TBX4: variants seen among roughly 807,000 people sequenced by gnomAD.
The protein encoded by TBX4 is T-box transcription factor TBX4.
In TBX4, 13 loss-of-function variants were observed where a neutral mutation model predicts 54.6. The ratio of observed to expected loss-of-function variants is 0.24; its 90% CI spans 0.15 to 0.38. The LOEUF (loss-of-function observed/expected upper bound fraction) is 0.38. TBX4 is among the 10% of genes least tolerant of loss of function. The pLI is 1.00. For missense variants in TBX4, 631 were observed against 728.5 expected (o/e 0.87, Z 1.54); for synonymous variants, 314 against 306.7 (o/e 1.02, Z -0.25).
chr17:61,465,619 A>C lies in TBX4; in HGVS notation c.282-200A>C, dbSNP rs1004501292. Among the ~76,000 whole-genome samples, 2 of 152,216 alleles carry C rather than the reference A, an allele frequency of 1.3e-5. No individual in the cohort carries two copies. Among genetic ancestry groups the C allele is most frequent in the African/African-American group, 4.8e-5 (2 of 41,464 alleles). ...CTGATAGCTGCAGGGGCTCAGAGAC[A>C]GCAGCCAGTGCCACCTTTTCACTGT... On this transcript the variant is annotated intron_variant, in intron 3 of 8. Transcript: ENST00000644296. The surrounding 1 kb of genome is among the most constrained non-coding windows in gnomAD (Gnocchi z 4.9).
chr17:61,471,669 A>C (rs2060578991), intron 5 of TBX4, among the ~76,000 whole-genome samples: 1 of 151,778 alleles, frequency 6.6e-6, no homozygotes, highest in African/African-American at 2.4e-5. Flanking sequence ...TATCTCTTGG[A>C]GAATAGTCTA....
chr17:61,472,504 C>A lies in TBX4; in HGVS notation c.549+4847C>A, dbSNP rs1569040306. Among the ~76,000 whole-genome samples, 2 of 152,174 alleles carry A rather than the reference C, an allele frequency of 1.3e-5. No individual in the cohort carries two copies. Among genetic ancestry groups the A allele is most frequent in the African/African-American group, 4.8e-5 (2 of 41,438 alleles). On this transcript the variant is annotated intron_variant, in intron 5 of 8. Transcript: ENST00000644296. This position sits in a 1 kb window ranked among gnomAD's most constrained non-coding sequence, Gnocchi z 4.5. ...GGTTTTTGATATCAATTTCTAGGAA[C>A]TCTTATAAATTAGGAGGATGTAGCT...
At chr17:61,468,875 A>G (rs2060555439) in intron 5 of TBX4, among the ~76,000 whole-genome samples, 1 of 152,094 alleles carries the variant, frequency 6.6e-6, no homozygotes, top group South Asian at 2.1e-4. Context: ...CTCCCTGGGC[A>G]CCATCCTGGT....
In TBX4 at chr17:61,460,964, C is replaced by T. The variant is rs749160904; in HGVS notation, c.281+3333C>T. On this transcript the variant is annotated intron_variant, in intron 3 of 8. Transcript: ENST00000644296. This position sits in a 1 kb window ranked among gnomAD's most constrained non-coding sequence, Gnocchi z 4.4. ...GTTATTCTGAGGCAAGGATTTGGCC[C>T]GGCTTAATCCGGGGCTTCAAAGCCA... is the stretch of plus-strand genomic sequence containing the variant. Among the ~76,000 whole-genome samples, 5 of 152,134 alleles carry T rather than the reference C, an allele frequency of 3.3e-5. No individual in the cohort carries two copies. Among genetic ancestry groups the T allele is most frequent in the African/African-American group, 4.8e-5 (2 of 41,418 alleles).
chr17:61,465,747 C>T lies in TBX4; in HGVS notation c.282-72C>T. On this transcript the variant is annotated intron_variant, in intron 3 of 8. Transcript: ENST00000644296. The surrounding 1 kb of genome is among the most constrained non-coding windows in gnomAD (Gnocchi z 4.9). The stretch of plus-strand genomic sequence containing the variant: ...CAGCATCTGTTAGCGGCCTTCTGCC[C>T]CCTTGCTCACTCTGTTCCATCTCTC... 2 of 1,603,948 alleles carry T rather than the reference C, an allele frequency of 1.2e-6. No individual in the cohort carries two copies. The highest frequency in any genetic ancestry group is 1.7e-6 in the Non-Finnish European group (2 of 1,173,270).
chr17:61,457,826 G>T lies in TBX4; in HGVS notation c.281+195G>T, dbSNP rs538669742. 6.6e-6 allele frequency among the ~76,000 whole-genome samples: 1 copy of T among 152,208 alleles called. No individual in the cohort carries two copies. Among genetic ancestry groups the T allele is most frequent in the Non-Finnish European group, 1.5e-5 (1 of 68,042 alleles). On this transcript the variant is annotated intron_variant, in intron 3 of 8. Coordinates refer to ENST00000644296, the MANE Select transcript of TBX4 (RefSeq NM_001321120.2). This position sits in a 1 kb window ranked among gnomAD's most constrained non-coding sequence, Gnocchi z 8.2. ...CCGCAGGGGGCCACCGCAGCCGCGC[G>T]GGCCTTGCGGGAAAGACCGAGGGGA...
chr17:61,467,840 G>C (rs918630802), intron 5 of TBX4, among the ~76,000 whole-genome samples, 183 bp downstream of exon 5: 2 of 152,178 alleles, frequency 1.3e-5, no homozygotes, highest in Non-Finnish European at 2.9e-5. Context: ...CTTCCTTCCC[G>C]GCCACTTACT....
At chr17:61,463,965 C>G (rs1025852386) in intron 3 of TBX4, among the ~76,000 whole-genome samples, 1 of 152,188 alleles carries the variant, frequency 6.6e-6, no homozygotes, top group African/African-American at 2.4e-5. Flanking sequence ...TCCAGCTGCG[C>G]CCCCAGGCCC....
At chr17:61,454,671 A>G (rs925096421) in intron 1 of TBX4, among the ~76,000 whole-genome samples, 6 of 152,222 alleles carry the variant, frequency 3.9e-5, no homozygotes, top group African/African-American at 1.4e-4. Flanking sequence ...CCCCAGTCCG[A>G]GCTGCGGGAC....
At position 61,483,724 on chromosome 17, in the gene TBX4, A is replaced by G. The variant is rs1343685541; in HGVS notation, c.*208A>G. ...ACAACTGAGGTCATGACAAGGAAAAAAAACACCACATTTATCTAAGAAGTG... is the reference window on the plus strand; with the variant it reads ...ACAACTGAGGTCATGACAAGGAAAAGAAACACCACATTTATCTAAGAAGTG... On this transcript the variant is annotated 3_prime_UTR_variant, in exon 9 of 9. Transcript: ENST00000644296. The surrounding 1 kb of genome is among the most constrained non-coding windows in gnomAD (Gnocchi z 6.6). The G allele has an allele frequency of 4.6e-6, 3 of 650,688 alleles. No homozygotes were observed. In the African/African-American group the frequency reaches 5.5e-5, roughly 12 times the overall value. The allele number at this position is 650,688 out of a possible 1,614,324, so 40.3% of individuals were successfully genotyped here. A position where few individuals can be genotyped will look rare whatever the true frequency, so the allele number is the denominator to read the frequency against.
chr17:61,466,025 T>C, intron 4 of TBX4, 87 bp downstream of exon 4: 7 of 1,590,832 alleles, frequency 4.4e-6, no homozygotes, highest in Non-Finnish European at 6.0e-6. Context: ...GGGGATTTCT[T>C]AGCTACCTGA....
rs770301040 is a variant in TBX4, at chr17:61,457,676, A to AG, written c.281+51dup. 6.1e-5 allele frequency: 96 copies of AG among 1,581,528 alleles called. No individual in the cohort carries two copies. Among genetic ancestry groups the AG allele is most frequent in the Middle Eastern group, 1.7e-4 (1 of 5,996 alleles). ...CTTCCGGGGATGGCGGTGGGGAGCA[A>AG]GGGGGGCCAGGGAGGTCCCTTAGAA... On this transcript the variant is annotated intron_variant, in intron 3 of 8. Transcript: ENST00000644296. This position sits in a 1 kb window ranked among gnomAD's most constrained non-coding sequence, Gnocchi z 8.2.
rs1247392083 is a variant in TBX4 at position 61,480,299 on chromosome 17, A to G, written c.1001A>G (p.Tyr334Cys). Reference protein sequence around the residue: ...FPTQRDSSLFYHCLKRRADGT... With the variant: ...FPTQRDSSLFCHCLKRRADGT... Reference sequence around the variant, plus strand: ...ACCCAGAGGGACTCAAGCCTCTTCTATCACTGCCTGAAAAGACGAGGTAGG... The same window carrying G: ...ACCCAGAGGGACTCAAGCCTCTTCTGTCACTGCCTGAAAAGACGAGGTAGG... Residue 334 changes from tyrosine (Y) to cysteine (C), a missense_variant, in exon 8 of 9, where the codon TAT (tyrosine) becomes TGT (cysteine). Tyr to Cys is a radical substitution (Grantham distance 194). Transcript: ENST00000644296. The surrounding 1 kb of genome is among the most constrained non-coding windows in gnomAD (Gnocchi z 6.2). The G allele has an allele frequency of 3.7e-6, 6 of 1,613,686 alleles. No individual in the cohort carries two copies. In the Admixed American group the frequency reaches 6.7e-5, roughly 18 times the overall value.
At position 61,483,271 on chromosome 17, in the gene TBX4, C is replaced by A; in HGVS notation, c.1396C>A (p.Pro466Thr). 1.1e-5 allele frequency: 17 copies of A among 1,614,174 alleles called. No individual in the cohort carries two copies. The highest frequency in any genetic ancestry group is 1.4e-5 in the Non-Finnish European group (17 of 1,180,004). The part of the protein sequence containing the change: ...LPTLSAQSSQ[P>T]PGNAHFSVYN... The stretch of plus-strand genomic sequence containing the variant: ...CACCCTCTCCGCTCAGAGCTCCCAG[C>A]CACCAGGAAATGCCCACTTTAGTGT... The change falls in exon 9 of 9, where the codon CCA becomes ACA. Residue 466 changes from proline (P) to threonine (T), a missense_variant. By Grantham distance (38) the Pro-to-Thr change is conservative (BLOSUM62 -1). This residue lies in a region of TBX4 where 354 missense variants were observed against 368.9 expected (regional missense o/e 0.96). Coordinates refer to ENST00000644296, the MANE Select transcript of TBX4 (RefSeq NM_001321120.2). The surrounding 1 kb of genome is among the most constrained non-coding windows in gnomAD (Gnocchi z 6.6).
Position 61,484,975 on chromosome 17 carries a change from C to A in TBX4, c.*1459C>A, listed in dbSNP as rs935170801. 13 of 140,214 alleles carry A rather than the reference C, an allele frequency of 9.3e-5. No homozygotes were observed. The highest frequency in any genetic ancestry group is 2.0e-4 in the Non-Finnish European group (13 of 63,692). 8.7% of individuals were successfully genotyped at this position (140,214 alleles called of 1,614,324 possible). ...ATATATATATATATATATATATAAA[C>A]ACACACACACTACAGATAAGGCTTT... On this transcript the variant is annotated 3_prime_UTR_variant, in exon 9 of 9. Coordinates refer to ENST00000644296, the MANE Select transcript of TBX4 (RefSeq NM_001321120.2). This position sits in a 1 kb window ranked among gnomAD's most constrained non-coding sequence, Gnocchi z 4.1.
chr17:61,469,802 C>T (rs1043807756), intron 5 of TBX4, among the ~76,000 whole-genome samples: 10 of 152,210 alleles, frequency 6.6e-5, no homozygotes, highest in East Asian at 3.9e-4. Context: ...CCTCTTGGCC[C>T]GTGCCCGTGG....
intron 3 of TBX4, among the ~76,000 whole-genome samples, chr17:61,463,977 A>C (rs1293924352): frequency 6.6e-6 from 1 of 152,168 alleles, no homozygotes; most frequent in Non-Finnish European, 1.5e-5. Context: ...CCCAGGCCCC[A>C]TAGGGGGGCT....
chr17:61,467,607 T>G lies in TBX4; in HGVS notation c.499T>G (p.Ser167Ala). ...TGAHWMRQLV[S>A]FQKLKLTNNH... Reference sequence around the variant, plus strand: ...AGCCCACTGGATGCGGCAGCTGGTCTCCTTCCAGAAGCTGAAGCTGACAAA... The same window carrying G: ...AGCCCACTGGATGCGGCAGCTGGTCGCCTTCCAGAAGCTGAAGCTGACAAA... Residue 167 changes from serine (S) to alanine (A), a missense_variant, in exon 5 of 9, where the codon TCC becomes GCC. By Grantham distance (99) the Ser-to-Ala change is moderately conservative. Transcript: ENST00000644296. 6.2e-7 allele frequency: 1 copy of G among 1,614,222 alleles called. No individual in the cohort carries two copies. Among genetic ancestry groups the G allele is most frequent in the Non-Finnish European group, 8.5e-7 (1 of 1,180,038 alleles).
chr17:61,470,941 A>G (rs758984928), intron 5 of TBX4, among the ~76,000 whole-genome samples: 9 of 152,334 alleles, frequency 5.9e-5, no homozygotes, highest in Admixed American at 3.9e-4. Flanking sequence ...TCACTGGGGC[A>G]TAGGCGGGAC....
Sources: allele counts gnomAD v4.1 joint callset (sites outside exome capture counted in the v4.1 genomes callset), GRCh38; gene constraint gnomAD v4.1.1; regional missense constraint gnomAD v4.1.1; non-coding constraint Gnocchi (gnomAD v3.1); transcripts MANE v1.5; gene names NCBI Gene and HGNC (gene_info 2026-07-23, HGNC 2026-07-21).